Variants in SPIN1 observed in about 807,000 individuals in gnomAD.
SPIN1 encodes spindlin 1, also known as spindlin-1.
Under a neutral mutation model 26.0 loss-of-function variants are expected in SPIN1, and 3 were observed. That is an observed-to-expected ratio of 0.12 (90% CI 0.05 to 0.30). The LOEUF (loss-of-function observed/expected upper bound fraction) is 0.30. Ranked by LOEUF, SPIN1 falls within the 10% of genes least tolerant of loss-of-function variation. The pLI is 1.00. For missense variants in SPIN1, 126 were observed against 333.4 expected (o/e 0.38, Z 4.84); for synonymous variants, 101 against 116.5 (o/e 0.87, Z 0.86).
At chr9:88,419,970 A>T (rs1003817748) in intron 1 of SPIN1, among the ~76,000 whole-genome samples, 2 of 152,190 alleles carry the variant, frequency 1.3e-5, no homozygotes, top group African/African-American at 2.4e-5. Context: ...TGATTTCTCT[A>T]TTGTCCTGTT....
At chr9:88,394,965 A>G (rs1827022403) in intron 1 of SPIN1, among the ~76,000 whole-genome samples, 1 of 151,778 alleles carries the variant, frequency 6.6e-6, no homozygotes, top group South Asian at 2.1e-4. Context: ...GCCCGCCACC[A>G]CGCCCGGCTA....
intron 1 of SPIN1, among the ~76,000 whole-genome samples, chr9:88,413,222 A>C (rs1487582299): frequency 6.7e-6 from 1 of 149,060 alleles, no homozygotes; most frequent in Non-Finnish European, 1.5e-5. Context: ...GCGTGCCACC[A>C]CATCTGGCTA....
intron 2 of SPIN1, among the ~76,000 whole-genome samples, chr9:88,428,853 C>G (rs573043449): frequency 6.6e-6 from 1 of 152,104 alleles, no homozygotes; most frequent in South Asian, 2.1e-4. Context: ...AAAAACAAAC[C>G]AAAGTGTTTT....
chr9:88,445,380 C>T (rs981789284), intron 2 of SPIN1, among the ~76,000 whole-genome samples: 1 of 151,900 alleles, frequency 6.6e-6, no homozygotes, highest in African/African-American at 2.4e-5. Flanking sequence ...CCTCTGTCCA[C>T]GTCTCAGTGC....
chr9:88,436,610 C>T (rs1483235971), intron 2 of SPIN1, among the ~76,000 whole-genome samples: 1 of 152,152 alleles, frequency 6.6e-6, no homozygotes, highest in African/African-American at 2.4e-5. Flanking sequence ...ACCCTTAACC[C>T]CTGGCAAGTG....
chr9:88,448,528 T>C (rs1324306091), intron 2 of SPIN1, among the ~76,000 whole-genome samples: 1 of 151,958 alleles, frequency 6.6e-6, no homozygotes, highest in Non-Finnish European at 1.5e-5. Flanking sequence ...GTTGTTTTTT[T>C]TGTAGAGACA....
At chr9:88,443,049 G>A (rs1412182126) in intron 2 of SPIN1, among the ~76,000 whole-genome samples, 3 of 151,220 alleles carry the variant, frequency 2.0e-5, no homozygotes, top group African/African-American at 4.9e-5. Flanking sequence ...GAACCTGGGA[G>A]GCAGAGGTTG....
chr9:88,396,597 G>A (rs1045449833), intron 1 of SPIN1, among the ~76,000 whole-genome samples: 5 of 152,192 alleles, frequency 3.3e-5, no homozygotes, highest in East Asian at 3.9e-4. Context: ...GTGAGACTCC[G>A]TCTCAGAAAA....
chr9:88,425,366 C>T (rs1827744734), intron 1 of SPIN1, among the ~76,000 whole-genome samples: 1 of 152,056 alleles, frequency 6.6e-6, no homozygotes, highest in Admixed American at 6.6e-5. Flanking sequence ...TCTCTAGGAA[C>T]TAAATTTGGT....
chr9:88,409,078 C>T (rs1827379937), intron 1 of SPIN1, among the ~76,000 whole-genome samples: 2 of 151,728 alleles, frequency 1.3e-5, no homozygotes, highest in Non-Finnish European at 2.9e-5. Context: ...TCATCGCAAC[C>T]TCCACCTCCT....
intron 3 of SPIN1, among the ~76,000 whole-genome samples, chr9:88,454,614 T>G (rs1828432879): frequency 6.6e-6 from 1 of 152,224 alleles, no homozygotes; most frequent in Non-Finnish European, 1.5e-5. Flanking sequence ...TACATAAAAA[T>G]ATAGAGTAGT....
chr9:88,420,358 A>G (rs1827646552), intron 1 of SPIN1, among the ~76,000 whole-genome samples: 1 of 152,236 alleles, frequency 6.6e-6, no homozygotes, highest in Admixed American at 6.5e-5. Flanking sequence ...CCTGAGCAAC[A>G]GGGTGAGACT....
intron 2 of SPIN1, among the ~76,000 whole-genome samples, chr9:88,448,652 C>G (rs1388178915): frequency 2.0e-5 from 3 of 152,152 alleles, no homozygotes; most frequent in Admixed American, 2.0e-4. Flanking sequence ...CAGGCTGACA[C>G]ATAGTTTTTC....
At chr9:88,445,552 T>C (rs950672742) in intron 2 of SPIN1, among the ~76,000 whole-genome samples, 18 of 146,906 alleles carry the variant, frequency 1.2e-4, no homozygotes, top group Non-Finnish European at 1.9e-4. Flanking sequence ...ATTATTATTA[T>C]TATTATTATT....
chr9:88,468,599 G>C lies in SPIN1; in HGVS notation c.583G>C (p.Asp195His). ...AGAAGGCGACCTTCGCATTATGCCT[G>C]ATTCCAGTAAGTATATATTGGCAAC... ...YKEGDLRIMP[D>H]SNDSPPAERE... The change falls in exon 5 of 6, where the codon GAT becomes CAT. Residue 195 changes from aspartate (D) to histidine (H), a missense_variant. By Grantham distance (81) the Asp-to-His change is moderately conservative. Coordinates refer to ENST00000375859, the MANE Select transcript of SPIN1 (RefSeq NM_006717.3). 11 of 1,529,774 alleles carry C rather than the reference G, an allele frequency of 7.2e-6. No homozygotes were observed. The highest frequency in any genetic ancestry group is 9.7e-6 in the Non-Finnish European group (11 of 1,138,622). The allele number at this position is 1,529,774 out of a possible 1,614,324, so 94.8% of individuals were successfully genotyped here.
chr9:88,418,157 C>T (rs1021107652), intron 1 of SPIN1, among the ~76,000 whole-genome samples: 3 of 152,172 alleles, frequency 2.0e-5, no homozygotes, highest in East Asian at 3.9e-4. Context: ...TCTCCTCTAC[C>T]CGCCTCCCTT....
At chr9:88,410,188 T>TGTGTGCGCGC (rs4029765) in intron 1 of SPIN1, among the ~76,000 whole-genome samples, 7 of 142,874 alleles carry the variant, frequency 4.9e-5, no homozygotes, top group African/African-American at 2.0e-4. Context: ...TGTGTGTGTG[T>TGTGTGCGCGC]GCAACTTTTT....
chr9:88,408,492 A>C (rs1827361097), intron 1 of SPIN1, among the ~76,000 whole-genome samples: 2 of 145,914 alleles, frequency 1.4e-5, no homozygotes, highest in South Asian at 4.3e-4. Flanking sequence ...GTTCTCTGCC[A>C]CAACCTGCCA....
chr9:88,450,121 C>T (rs541955550), intron 3 of SPIN1, among the ~76,000 whole-genome samples: 9 of 152,262 alleles, frequency 5.9e-5, no homozygotes, highest in African/African-American at 2.2e-4. Flanking sequence ...CAAATTTTAT[C>T]CATGTGCTCA....
Sources: allele counts gnomAD v4.1 joint callset (sites outside exome capture counted in the v4.1 genomes callset), GRCh38; gene constraint gnomAD v4.1.1; transcripts MANE v1.5; gene names NCBI Gene and HGNC (gene_info 2026-07-23, HGNC 2026-07-21).